OCA2: variants seen among roughly 807,000 people sequenced by gnomAD.
OCA2 encodes the protein OCA2 melanosomal transmembrane protein.
OCA2 carries 77 observed loss-of-function variants against 100.2 expected under a neutral mutation model. The ratio of observed to expected loss-of-function variants is 0.77; its 90% confidence interval spans 0.64 to 0.93. OCA2 has a LOEUF of 0.93. Among genes scored for constraint, OCA2 ranks in the 40% least tolerant of loss-of-function variants. The pLI is 0.00. For synonymous variants in OCA2, 432 were observed against 439.2 expected, an observed-to-expected ratio of 0.98 and a Z score of 0.21; for missense variants, 1,062 against 1,089.1, an observed-to-expected ratio of 0.98 and a Z score of 0.35.
intron 4 of OCA2, 59 bp downstream of exon 4, chr15:28,027,812 T>C (rs900246175): frequency 5.8e-6 from 9 of 1,555,148 alleles, no homozygotes; most frequent in South Asian, 1.1e-5. Flanking sequence ...GGAGGGGCCA[T>C]GTAGGACGCG....
intron 14 of OCA2, among the ~76,000 whole-genome samples, chr15:27,978,847 G>T (rs574742006): frequency 6.6e-6 from 1 of 152,048 alleles, no homozygotes; most frequent in Non-Finnish European, 1.5e-5. Context: ...CACCATGCCC[G>T]GCTAATATTT....
intron 19 of OCA2, among the ~76,000 whole-genome samples, chr15:27,902,439 C>T (rs1011734229): frequency 4.6e-5 from 7 of 152,134 alleles, no homozygotes; most frequent in Admixed American, 6.5e-5. Context: ...TTTTTGAGTG[C>T]TTTTCCTTTT....
intron 2 of OCA2, among the ~76,000 whole-genome samples, chr15:28,066,774 T>C (rs2044037413): frequency 6.6e-6 from 1 of 152,154 alleles, no homozygotes; most frequent in Non-Finnish European, 1.5e-5. Flanking sequence ...ACATTTGCCA[T>C]CTATTGCATC....
chr15:27,967,116 C>A (rs1352683707), intron 14 of OCA2, among the ~76,000 whole-genome samples: 1 of 152,046 alleles, frequency 6.6e-6, no homozygotes, highest in Non-Finnish European at 1.5e-5. Flanking sequence ...GGCGACAGAG[C>A]GAGACTCCGT....
At chr15:27,951,742 G>C in intron 18 of OCA2, 42 bp downstream of exon 18, 1 of 1,365,852 alleles carries the variant, frequency 7.3e-7, no homozygotes, top group Middle Eastern at 1.8e-4. Context: ...TTCCCATCCA[G>C]AATGTGACAA....
rs994539185 is a variant in OCA2, at chr15:27,957,142, C to T, written c.1784+446G>A. On this transcript the variant is annotated intron_variant, in intron 16 of 23. Coordinates refer to ENST00000354638, the MANE Select transcript of OCA2 (RefSeq NM_000275.3). This position sits in a 1 kb window ranked among gnomAD's most constrained non-coding sequence, Gnocchi z 4.3. The stretch of plus-strand genomic sequence containing the variant: ...CTCAGCTTCAATTAACAACGAATGC[C>T]AGGAAACAAATTGAGTGGGGCTTTC... Among the ~76,000 whole-genome samples the T allele has an allele frequency of 6.6e-6, 1 of 152,208 alleles. No homozygotes were observed. Among genetic ancestry groups the T allele is most frequent in the African/African-American group, 2.4e-5 (1 of 41,462 alleles).
chr15:27,831,304 A>AC (rs2034945932), intron 23 of OCA2, among the ~76,000 whole-genome samples: 1 of 151,126 alleles, frequency 6.6e-6, no homozygotes. Flanking sequence ...AAAAAAAAAA[A>AC]AATCGGTCTG....
intron 23 of OCA2, among the ~76,000 whole-genome samples, chr15:27,817,221 T>C: frequency 6.6e-6 from 1 of 152,192 alleles, no homozygotes; most frequent in East Asian, 1.9e-4. Context: ...AAACCATCCC[T>C]ATAAGCTTTA....
chr15:27,723,972 G>A, the OCA2 span, among the ~76,000 whole-genome samples: 5 of 152,094 alleles, frequency 3.3e-5, no homozygotes, highest in Admixed American at 6.5e-5. Flanking sequence ...CAGCCCTGCC[G>A]TCAGCTCCTA....
intron 23 of OCA2, among the ~76,000 whole-genome samples, chr15:27,821,325 A>C (rs556740141): frequency 1.3e-5 from 2 of 152,302 alleles, no homozygotes; most frequent in East Asian, 3.9e-4. Flanking sequence ...TGTATAAGAC[A>C]AAAGAGAAAT....
intron 23 of OCA2, among the ~76,000 whole-genome samples, chr15:27,794,563 A>G (rs2033241682): frequency 6.6e-6 from 1 of 152,198 alleles, no homozygotes; most frequent in South Asian, 2.1e-4. Flanking sequence ...AGTCTCCAGT[A>G]AATACACGTG....
intron 2 of OCA2, among the ~76,000 whole-genome samples, chr15:28,074,258 G>A (rs1157645913): frequency 3.9e-5 from 6 of 152,192 alleles, no homozygotes; most frequent in African/African-American, 1.4e-4. Flanking sequence ...ATTTCAGGGG[G>A]CCAGGCACGG....
chr15:27,873,022 T>C (rs2036646063), intron 19 of OCA2, among the ~76,000 whole-genome samples: 1 of 152,216 alleles, frequency 6.6e-6, no homozygotes, highest in South Asian at 2.1e-4. Context: ...CTTCAGAATC[T>C]CAATCTGCAT....
intron 18 of OCA2, among the ~76,000 whole-genome samples, chr15:27,930,197 TGTA>T (rs2039197521): frequency 6.6e-6 from 1 of 152,212 alleles, no homozygotes; most frequent in Non-Finnish European, 1.5e-5. Flanking sequence ...CGATGTTTGC[TGTA>T]GTCTTAGTTT....
chr15:27,884,059 T>C (rs1311173829), intron 19 of OCA2, among the ~76,000 whole-genome samples: 2 of 152,238 alleles, frequency 1.3e-5, no homozygotes, highest in Middle Eastern at 3.2e-3. Context: ...TAAAAACTCA[T>C]TATAAATCAT....
In OCA2 at chr15:27,957,850, G is replaced by T; in HGVS notation, c.1637-115C>A. The T allele has an allele frequency of 7.8e-7, 1 of 1,281,776 alleles. No homozygotes were observed. The highest frequency in any genetic ancestry group is 1.1e-6 in the Non-Finnish European group (1 of 902,408). The allele number at this position is 1,281,776 out of a possible 1,614,324, so 79.4% of individuals were successfully genotyped here. On this transcript the variant is annotated intron_variant, in intron 15 of 23. Transcript: ENST00000354638. This position sits in a 1 kb window ranked among gnomAD's most constrained non-coding sequence, Gnocchi z 4.3. ...CAGAGCAGACACACACTCGAGACGT[G>T]CAGGTAGCCCAGGGTCACCCAGAGC... is the stretch of plus-strand genomic sequence containing the variant.
At chr15:28,074,197 G>C (rs1382433032) in intron 2 of OCA2, among the ~76,000 whole-genome samples, 1 of 152,204 alleles carries the variant, frequency 6.6e-6, no homozygotes, top group Non-Finnish European at 1.5e-5. Context: ...ATTCAAGATA[G>C]TGTGATATTC....
At position 28,024,901 on chromosome 15, in the gene OCA2, G is replaced by A. The variant is rs538576672; in HGVS notation, c.517C>T (p.Arg173Cys). Reference protein sequence around the residue: ...HIRLRLSKLRRCVQWLKVMGL... With the variant: ...HIRLRLSKLRCCVQWLKVMGL... ...ATGACTTTCAGCCACTGCACACAGC[G>A]CCTGCAAGAGAAAAAGTAGGGCCTT... Residue 173 changes from arginine to cysteine, a missense_variant and splice_region_variant, in exon 5 of 24, where the codon CGC (arginine) becomes TGC (cysteine). Physicochemically the swap from Arg to Cys is radical, Grantham distance 180. Transcript: ENST00000354638. 245 of 1,614,150 alleles carry A rather than the reference G, an allele frequency of 1.5e-4. 2 individuals are homozygous for A. The South Asian group carries it at 2.4e-3, about 16-fold the overall frequency.
intron 23 of OCA2, among the ~76,000 whole-genome samples, chr15:27,776,974 T>TGGGGGGGGGAGGGGGGGGGG (rs368182175): frequency 2.3e-5 from 1 of 43,164 alleles, no homozygotes; most frequent in Non-Finnish European, 7.2e-5. Context: ...GAGCGTGAGG[T>TGGGGGGGGGAGGGGGGGGGG]GGGGGGGGGT....
Sources: gnomAD v4.1 joint callset for allele counts (sites outside exome capture counted in the v4.1 genomes callset) on GRCh38, gnomAD v4.1.1 for gene constraint, Gnocchi (gnomAD v3.1) non-coding constraint, MANE v1.5 for transcripts, NCBI Gene and HGNC (gene_info 2026-07-23, HGNC 2026-07-21) for gene names.